MYH8: variants seen among roughly 807,000 people sequenced by gnomAD.
MYH8 encodes the protein myosin heavy chain 8, also known as myosin-8.
MYH8 carries 168 observed loss-of-function variants against 233.2 expected under a neutral mutation model. The ratio of observed to expected loss-of-function variants is 0.72; its 90% confidence interval spans 0.64 to 0.82. The LOEUF (loss-of-function observed/expected upper bound fraction) is 0.82, where lower values mean the gene tolerates loss of function less well. MYH8 is among the 40% of genes least tolerant of loss of function. MYH8 has a pLI of 0.00. For synonymous variants in MYH8, 785 were observed against 850.6 expected (o/e 0.92, Z 1.34); for missense variants, 1,995 against 2,327.8 (o/e 0.86, Z 2.94).
At chr17:10,398,973 T>C (rs1201908997) in intron 28 of MYH8, 87 bp from the exon 29 acceptor site, 3 of 636,242 alleles carry the variant, frequency 4.7e-6, no homozygotes, top group Non-Finnish European at 8.2e-6. Context: ...TGTGTATATA[T>C]ATATGTATAT....
At position 10,406,942 on chromosome 17, in the gene MYH8, G is replaced by C. The variant is rs1567686350; in HGVS notation, c.2003C>G (p.Thr668Arg). Residue 668 changes from threonine to arginine, a missense_variant, in exon 18 of 40, where the codon ACA becomes AGA. Around this residue, in one of 3 missense-constraint regions of MYH8, gnomAD observed 1,498 missense variants for 1,680.9 expected, o/e 0.89. Transcript: ENST00000403437. ...GATACACCGTACGAAGTGAGGGTGT[G>C]TGCTCCTCAGATTCGTCATCAATTT... Reference protein sequence around the residue: ...LNKLMTNLRSTHPHFVRCIIP... With the variant: ...LNKLMTNLRSRHPHFVRCIIP... 6.2e-7 allele frequency: 1 copy of C among 1,614,030 alleles called. No homozygotes were observed. Among genetic ancestry groups the C allele is most frequent in the East Asian group, 2.2e-5 (1 of 44,880 alleles).
In MYH8 at chr17:10,395,122, G is replaced by A. The variant is rs1372703218; in HGVS notation, c.4962+11C>T. ...CTGCTTCATCTGGGAGGCGAATGTGGACCCGTTTACCTTCAGGATTCCTTG... is the reference window on the plus strand; with the variant it reads ...CTGCTTCATCTGGGAGGCGAATGTGAACCCGTTTACCTTCAGGATTCCTTG... On this transcript the variant is annotated intron_variant, in intron 34 of 39. Coordinates refer to ENST00000403437, the MANE Select transcript of MYH8 (RefSeq NM_002472.3). 3 of 1,612,608 alleles carry A rather than the reference G, an allele frequency of 1.9e-6. No homozygotes were observed. Among genetic ancestry groups the A allele is most frequent in the Admixed American group, 1.7e-5 (1 of 60,020 alleles).
chr17:10,392,875 C>A lies in MYH8; in HGVS notation c.5419G>T (p.Ala1807Ser), dbSNP rs1243043490. 6.2e-7 allele frequency: 1 copy of A among 1,614,074 alleles called. No homozygotes were observed. The highest frequency in any genetic ancestry group is 1.3e-5 in the African/African-American group (1 of 74,928). Residue 1807 changes from alanine (A) to serine (S), a missense_variant, in exon 37 of 40, where the codon GCG becomes TCG. Transcript: ENST00000403437. ...QHRLDEAEQL[A>S]LKGGKKQIQK... is the part of the protein sequence containing the mutation. ...ATCTGCTTCTTCCCACCCTTCAGCG[C>A]CAGCTGCTCGGCCTCATCTAGACGA... is the stretch of plus-strand genomic sequence containing the variant.
chr17:10,403,738 T>C (rs964525948), intron 22 of MYH8, among the ~76,000 whole-genome samples: 1 of 152,134 alleles, frequency 6.6e-6, no homozygotes, highest in Non-Finnish European at 1.5e-5. Context: ...GAGGTTACCT[T>C]TGACCAAAGT....
chr17:10,401,986 T>C (rs2072147585), intron 22 of MYH8, among the ~76,000 whole-genome samples: 1 of 152,174 alleles, frequency 6.6e-6, no homozygotes, highest in African/African-American at 2.4e-5. Context: ...AGAAGCAAAC[T>C]AGTTTGCAAA....
chr17:10,403,899 A>AT (rs1335497070), intron 22 of MYH8, among the ~76,000 whole-genome samples: 1 of 152,192 alleles, frequency 6.6e-6, no homozygotes, highest in Non-Finnish European at 1.5e-5. Context: ...TTAAATACAG[A>AT]TAGATTTATT....
chr17:10,398,495 G>C lies in MYH8; in HGVS notation c.4127C>G (p.Thr1376Ser). Residue 1376 changes from threonine to serine, a missense_variant, in exon 30 of 40, where the codon ACC becomes AGC. Physicochemically the swap from Thr to Ser is moderately conservative, Grantham distance 58. Transcript: ENST00000403437. ...CTGGATGGCATCCGTCTCGTATTTG[G>C]TTCTCCACTGGGCAACCTCACTGTT... is the stretch of plus-strand genomic sequence containing the variant. The part of the protein sequence containing the change: ...KANSEVAQWR[T>S]KYETDAIQRT... 6.2e-7 allele frequency: 1 copy of C among 1,613,986 alleles called. No homozygotes were observed. Among genetic ancestry groups the C allele is most frequent in the East Asian group, 2.2e-5 (1 of 44,866 alleles).
chr17:10,396,220 C>A lies in MYH8; in HGVS notation c.4653+110G>T. Reference sequence around the variant, plus strand: ...TTTTAAGGATTTTGATAACTATTGCCAAGTTGTCCTTCATAAAGATCCTGT... The same window carrying A: ...TTTTAAGGATTTTGATAACTATTGCAAAGTTGTCCTTCATAAAGATCCTGT... On this transcript the variant is annotated intron_variant, in intron 33 of 39. Coordinates refer to ENST00000403437, the MANE Select transcript of MYH8 (RefSeq NM_002472.3). The surrounding 1 kb of genome is among the most constrained non-coding windows in gnomAD (Gnocchi z 4.2). 7.7e-7 allele frequency: 1 copy of A among 1,297,338 alleles called. No individual in the cohort carries two copies. 80.4% of individuals were successfully genotyped at this position (1,297,338 alleles called of 1,614,324 possible). A position where few individuals can be genotyped will look rare whatever the true frequency, so the allele number is the denominator to read the frequency against.
intron 35 of MYH8, 151 bp downstream of exon 35, chr17:10,394,098 A>T: frequency 8.7e-7 from 1 of 1,148,086 alleles, no homozygotes; most frequent in Non-Finnish European, 1.2e-6. Flanking sequence ...TAATCCACCA[A>T]TTACCCTAAG....
At chr17:10,406,862 C>T (rs756507899) in intron 18 of MYH8, 30 bp downstream of exon 18, 135 of 1,611,062 alleles carry the variant, frequency 8.4e-5, no homozygotes, top group Non-Finnish European at 1.1e-4. Context: ...AACCTGTGCC[C>T]GTTTGATTAT....
rs1319532143 is a variant in MYH8 at position 10,392,961 on chromosome 17, G to T, written c.5333C>A (p.Thr1778Asn). Residue 1778 changes from threonine (T) to asparagine (N), a missense_variant, in exon 37 of 40, where the codon ACC becomes AAC. Coordinates refer to ENST00000403437, the MANE Select transcript of MYH8 (RefSeq NM_002472.3). ...MAEELKKEQDTSAHLERMKKN... is the reference protein window; with the variant it reads ...MAEELKKEQDNSAHLERMKKN... ...CTTCATCCGCTCCAGGTGGGCGCTG[G>T]TGTCCTGTTCCTTCTTCAGCTCCTC... is the stretch of plus-strand genomic sequence containing the variant. 6.2e-7 allele frequency: 1 copy of T among 1,614,166 alleles called. No individual in the cohort carries two copies. Among genetic ancestry groups the T allele is most frequent in the African/African-American group, 1.3e-5 (1 of 75,022 alleles).
chr17:10,397,148 A>G (rs533777293), intron 30 of MYH8, among the ~76,000 whole-genome samples, 162 bp from the exon 31 acceptor site: 4 of 152,204 alleles, frequency 2.6e-5, no homozygotes, highest in South Asian at 2.1e-4. Flanking sequence ...CAGTGGTGCA[A>G]TCTCGGTCAC....
In MYH8 at chr17:10,418,684, A is replaced by C. The variant is rs2072308612; in HGVS notation, c.472T>G (p.Phe158Val). ...TGATAGGCATTGTCAGAGATGGAGAAGATGTGGGGCGGGGCCTCCTGGCGC... is the reference window on the plus strand; with the variant it reads ...TGATAGGCATTGTCAGAGATGGAGACGATGTGGGGCGGGGCCTCCTGGCGC... ...KKRQEAPPHI[F>V]SISDNAYQFM... Residue 158 changes from phenylalanine to valine, a missense_variant, in exon 5 of 40, where the codon TTC becomes GTC. By Grantham distance (50) the Phe-to-Val change is conservative. Transcript: ENST00000403437. 1 of 1,613,932 alleles carries C rather than the reference A, an allele frequency of 6.2e-7. No individual in the cohort carries two copies. The highest frequency in any genetic ancestry group is 8.5e-7 in the Non-Finnish European group (1 of 1,179,872).
At chr17:10,403,033 T>A (rs2072157572) in intron 22 of MYH8, among the ~76,000 whole-genome samples, 1 of 152,140 alleles carries the variant, frequency 6.6e-6, no homozygotes, top group African/African-American at 2.4e-5. Flanking sequence ...GTTTTCCCAT[T>A]CCCTTCTAAA....
chr17:10,406,239 G>A (rs754789829), intron 20 of MYH8, 35 bp downstream of exon 20: 4 of 1,614,082 alleles, frequency 2.5e-6, no homozygotes, highest in Non-Finnish European at 3.4e-6. Flanking sequence ...ATGGCAGAAG[G>A]TACTTGGATC....
Position 10,404,354 on chromosome 17 carries a change from A to T in MYH8, c.2664T>A (p.Asn888Lys), listed in dbSNP as rs189744808. Reference protein sequence around the residue: ...EKMVTLLKEKNDLQLQVQSEA... With the variant: ...EKMVTLLKEKKDLQLQVQSEA... The stretch of plus-strand genomic sequence containing the variant: ...CAGATTGAACCTGGAGTTGCAGGTC[A>T]TTTTTCTCTTTTAAGAGAGTGACCA... The change falls in exon 22 of 40, where the codon AAT becomes AAA. Residue 888 changes from asparagine (N) to lysine (K), a missense_variant. Physicochemically the swap from Asn to Lys is moderately conservative, Grantham distance 94. Transcript: ENST00000403437. 3.1e-6 allele frequency: 5 copies of T among 1,613,930 alleles called. No individual in the cohort carries two copies. In the East Asian group the frequency reaches 1.1e-4, roughly 36 times the overall value.
At chr17:10,404,720 A>T in intron 21 of MYH8, 135 bp from the exon 22 acceptor site, 4 of 1,021,620 alleles carry the variant, frequency 3.9e-6, no homozygotes, top group Non-Finnish European at 5.7e-6. Context: ...TATTATATGC[A>T]GGCTTTACAC....
At position 10,398,526 on chromosome 17, in the gene MYH8, T is replaced by C. The variant is rs765035903; in HGVS notation, c.4096A>G (p.Lys1366Glu). 3 of 1,614,186 alleles carry C rather than the reference T, an allele frequency of 1.9e-6. No individual in the cohort carries two copies. Among genetic ancestry groups the C allele is most frequent in the South Asian group, 1.1e-5 (1 of 91,088 alleles). ...CACTGGGCAACCTCACTGTTGGCCT[T>C]GGACAGCGCCCTCTGCAGCTCAGCT... is the stretch of plus-strand genomic sequence containing the variant. ...GKAELQRALS[K>E]ANSEVAQWRT... is the part of the protein sequence containing the mutation. The change falls in exon 30 of 40, where the codon AAG becomes GAG. Residue 1366 changes from lysine to glutamate, a missense_variant. Transcript: ENST00000403437.
chr17:10,392,989 C>T lies in MYH8; in HGVS notation c.5305G>A (p.Ala1769Thr). The change falls in exon 37 of 40, where the codon GCT becomes ACT. Residue 1769 changes from alanine (A) to threonine (T), a missense_variant. Ala to Thr is a moderately conservative substitution (Grantham distance 58). Coordinates refer to ENST00000403437, the MANE Select transcript of MYH8 (RefSeq NM_002472.3). ...KKAITDAAMM[A>T]EELKKEQDTS... ...TCCTGTTCCTTCTTCAGCTCCTCAG[C>T]CATCATGGCAGCCTATTTAGGAAAT... The T allele has an allele frequency of 1.2e-6, 2 of 1,614,180 alleles. No individual in the cohort carries two copies. Among genetic ancestry groups the T allele is most frequent in the Non-Finnish European group, 1.7e-6 (2 of 1,180,048 alleles).
Sources: allele counts gnomAD v4.1 joint callset (sites outside exome capture counted in the v4.1 genomes callset), GRCh38; gene constraint gnomAD v4.1.1; regional missense constraint gnomAD v4.1.1; non-coding constraint Gnocchi (gnomAD v3.1); transcripts MANE v1.5; gene names NCBI Gene and HGNC (gene_info 2026-07-23, HGNC 2026-07-21).